Variants in ZNF385B observed in about 807,000 individuals in gnomAD.
ZNF385B encodes zinc finger protein 385B.
A neutral mutation model predicts 39.2 loss-of-function variants in ZNF385B; 23 were observed. The observed-to-expected ratio is 0.59, with a 90% CI of 0.42 to 0.83. The LOEUF is 0.83. ZNF385B is among the 40% of genes least tolerant of loss of function. The probability of loss-of-function intolerance (pLI) is 0.00; values close to 1 mark genes in which losing one functional copy is unlikely to be tolerated. For missense variants in ZNF385B, 552 were observed against 598.9 expected, an observed-to-expected ratio of 0.92 and a Z score of 0.82; for synonymous variants, 205 against 222.6, an observed-to-expected ratio of 0.92 and a Z score of 0.70.
At chr2:179,484,937 T>C (rs11901927) in intron 5 of ZNF385B, among the ~76,000 whole-genome samples, 44,458 of 151,722 alleles carry the variant, frequency 0.29, 6,749 homozygotes, top group East Asian at 0.38. Context: ...CAGTGAGGGC[T>C]ATAGCTGGAG....
At chr2:179,544,403 G>T (rs1255990186) in intron 4 of ZNF385B, among the ~76,000 whole-genome samples, 2 of 151,730 alleles carry the variant, frequency 1.3e-5, no homozygotes, top group Admixed American at 1.3e-4. Context: ...TTTATCTAAA[G>T]TATCTCCCAA....
At chr2:179,508,355 T>C (rs949232282) in intron 5 of ZNF385B, among the ~76,000 whole-genome samples, 5 of 152,186 alleles carry the variant, frequency 3.3e-5, no homozygotes, top group Admixed American at 2.0e-4. Flanking sequence ...AAACATCTTA[T>C]TGTTAAGGAT....
At chr2:179,696,834 T>G (rs1296967361) in intron 3 of ZNF385B, among the ~76,000 whole-genome samples, 2 of 152,198 alleles carry the variant, frequency 1.3e-5, no homozygotes, top group African/African-American at 2.4e-5. Context: ...TTAGTATGAC[T>G]CTTATGTTAA....
chr2:179,541,007 T>C (rs1023945199), intron 4 of ZNF385B, among the ~76,000 whole-genome samples: 3 of 152,336 alleles, frequency 2.0e-5, no homozygotes, highest in South Asian at 2.1e-4. Context: ...TAAAACTTTA[T>C]GTTTTGGTCC....
chr2:179,679,417 C>A (rs878944413), intron 3 of ZNF385B, among the ~76,000 whole-genome samples: 1 of 152,160 alleles, frequency 6.6e-6, no homozygotes, highest in Admixed American at 6.5e-5. Flanking sequence ...TACTTCTAAT[C>A]TGGCAAATTC....
chr2:179,788,501 C>T (rs563514950), intron 1 of ZNF385B, among the ~76,000 whole-genome samples: 6 of 152,056 alleles, frequency 3.9e-5, no homozygotes, highest in African/African-American at 1.4e-4. Flanking sequence ...CAGGTCAAGA[C>T]TAAAAGTGGG....
chr2:179,733,056 T>G (rs933952671), intron 3 of ZNF385B, among the ~76,000 whole-genome samples: 1 of 152,204 alleles, frequency 6.6e-6, no homozygotes, highest in African/African-American at 2.4e-5. Context: ...GACATTCAGA[T>G]GACTATGTAC....
At position 179,442,915 on chromosome 2, in the gene ZNF385B, T is replaced by C. The variant is rs1280638690; in HGVS notation, c.*335A>G. On this transcript the variant is annotated 3_prime_UTR_variant, in exon 10 of 10. Coordinates refer to ENST00000410066, the MANE Select transcript of ZNF385B (RefSeq NM_152520.6). Reference sequence around the variant, plus strand: ...ATTGTTTTAAGCCAGATCATACCCATGGAAAAATAGAGAATGGTTTTCTTT... The same window carrying C: ...ATTGTTTTAAGCCAGATCATACCCACGGAAAAATAGAGAATGGTTTTCTTT... The C allele has an allele frequency of 5.3e-6, 2 of 377,902 alleles. No homozygotes were observed. Among genetic ancestry groups the C allele is most frequent in the East Asian group, 6.5e-5 (1 of 15,484 alleles). 23.4% of individuals were successfully genotyped at this position (377,902 alleles called of 1,614,324 possible).
chr2:179,482,028 A>G (rs2054058813), intron 6 of ZNF385B, among the ~76,000 whole-genome samples: 1 of 152,246 alleles, frequency 6.6e-6, no homozygotes, highest in Admixed American at 6.6e-5. Context: ...TTCATCAGAT[A>G]ACATGATTTA....
At chr2:179,761,751 TTTTTC>T (rs1191690635) in intron 3 of ZNF385B, among the ~76,000 whole-genome samples, 15 of 145,318 alleles carry the variant, frequency 1.0e-4, no homozygotes, top group Admixed American at 1.5e-4. Context: ...GCTAACATTT[TTTTTC>T]TTTTCTTTTT....
chr2:179,802,327 C>T (rs968541911), intron 1 of ZNF385B, among the ~76,000 whole-genome samples: 3 of 152,034 alleles, frequency 2.0e-5, no homozygotes, highest in Non-Finnish European at 4.4e-5. Context: ...CATTCCTTAG[C>T]TTCACCTCTT....
chr2:179,656,309 T>C (rs1365339222), intron 3 of ZNF385B, among the ~76,000 whole-genome samples: 2 of 152,108 alleles, frequency 1.3e-5, no homozygotes, highest in African/African-American at 4.8e-5. Context: ...TGGAATTCCA[T>C]CAGGTAGGCA....
chr2:179,798,079 CTTTTTT>C, intron 1 of ZNF385B, among the ~76,000 whole-genome samples: 1 of 152,100 alleles, frequency 6.6e-6, no homozygotes, highest in African/African-American at 2.4e-5. Context: ...ACGGAGGGAT[CTTTTTT>C]TAAGTATCAT....
intron 3 of ZNF385B, among the ~76,000 whole-genome samples, chr2:179,617,119 C>A (rs1402115500): frequency 6.6e-6 from 1 of 152,196 alleles, no homozygotes; most frequent in Non-Finnish European, 1.5e-5. Flanking sequence ...CTGCTAAATT[C>A]TCTTAAAAGT....
At chr2:179,568,699 C>T (rs1397827419) in intron 3 of ZNF385B, among the ~76,000 whole-genome samples, 1 of 152,150 alleles carries the variant, frequency 6.6e-6, no homozygotes, top group African/African-American at 2.4e-5. Context: ...GGTATTTATT[C>T]AATCTGTCAA....
chr2:179,849,917 TG>T (rs1340232567), intron 1 of ZNF385B, among the ~76,000 whole-genome samples: 1 of 152,172 alleles, frequency 6.6e-6, no homozygotes, highest in East Asian at 1.9e-4. Flanking sequence ...TCAGCTGTGA[TG>T]GGTATGCAGC....
intron 6 of ZNF385B, among the ~76,000 whole-genome samples, chr2:179,450,634 A>G (rs1227850183): frequency 6.6e-6 from 1 of 151,888 alleles, no homozygotes; most frequent in Non-Finnish European, 1.5e-5. Flanking sequence ...AAATAGGAAC[A>G]CTTTTACACT....
chr2:179,455,833 C>T (rs990367), intron 6 of ZNF385B, among the ~76,000 whole-genome samples: 1 of 147,962 alleles, frequency 6.8e-6, no homozygotes, highest in Non-Finnish European at 1.5e-5. Context: ...CAGAGGTTGC[C>T]GTGAGCCAAG....
chr2:179,728,232 A>T (rs1057411422), intron 3 of ZNF385B, among the ~76,000 whole-genome samples: 2 of 152,140 alleles, frequency 1.3e-5, no homozygotes, highest in African/African-American at 4.8e-5. Context: ...AATAAAAAAC[A>T]TTACCCATTT....
Sources: allele counts gnomAD v4.1 joint callset (sites outside exome capture counted in the v4.1 genomes callset), GRCh38; gene constraint gnomAD v4.1.1; transcripts MANE v1.5; gene names NCBI Gene and HGNC (gene_info 2026-07-23, HGNC 2026-07-21).